CCDC167: variants seen among roughly 807,000 people sequenced by gnomAD.
The protein encoded by CCDC167 is coiled-coil domain containing 167, also known as coiled-coil domain-containing protein 167.
A neutral mutation model predicts 12.7 loss-of-function variants in CCDC167; 15 were observed. The observed-to-expected ratio is 1.18, with a 90% CI of 0.79 to 1.81. The LOEUF (loss-of-function observed/expected upper bound fraction) is 1.81, where lower values mean the gene tolerates loss of function less well. Among genes scored for constraint, CCDC167 ranks in the 40% most tolerant of loss-of-function variants. The pLI, the probability that CCDC167 is intolerant of heterozygous loss-of-function variation, is 0.00. For missense variants in CCDC167, 121 were observed against 120.1 expected (o/e 1.01, Z -0.03); for synonymous variants, 52 against 49.0 (o/e 1.06, Z -0.26).
chr6:37,494,105 GC>G (rs1762066674), intron 1 of CCDC167, among the ~76,000 whole-genome samples: 1 of 107,928 alleles, frequency 9.3e-6, no homozygotes, highest in Non-Finnish European at 1.7e-5. Context: ...CCCTCTTGTT[GC>G]CCAGGCTAGA....
chr6:37,494,645 G>A (rs1306292226), intron 1 of CCDC167, among the ~76,000 whole-genome samples: 1 of 152,170 alleles, frequency 6.6e-6, no homozygotes, highest in African/African-American at 2.4e-5. Flanking sequence ...AAAAGGGACA[G>A]TGTTGTTCCT....
At chr6:37,498,797 C>T (rs894384800) in intron 1 of CCDC167, among the ~76,000 whole-genome samples, 10 of 150,750 alleles carry the variant, frequency 6.6e-5, no homozygotes, top group African/African-American at 2.4e-4. Flanking sequence ...TGCACTTCAG[C>T]CTGGACAACA....
At chr6:37,486,220 C>T (rs143074963) in intron 1 of CCDC167, among the ~76,000 whole-genome samples, 1 of 152,226 alleles carries the variant, frequency 6.6e-6, no homozygotes, top group Non-Finnish European at 1.5e-5. Context: ...GCAAATAAGA[C>T]CTCCATTTCA....
At position 37,499,813 on chromosome 6, in the gene CCDC167, T is replaced by C. The variant is rs115486046; in HGVS notation, c.42+9A>G. On this transcript the variant is annotated intron_variant, in intron 1 of 3. Transcript: ENST00000373408. ...AACGAGGTGGCCCAACCCCCACTTT[T>C]CCCCTCACCTCTAGAGCGACGCCCA... 668 of 1,613,846 alleles carry C rather than the reference T, an allele frequency of 4.1e-4. 4 individuals carry two copies. The African/African-American group carries it at 7.9e-3, about 19-fold the overall frequency.
At position 37,483,134 on chromosome 6, in the gene CCDC167, C is replaced by A; in HGVS notation, c.*52G>T. On this transcript the variant is annotated 3_prime_UTR_variant, in exon 4 of 4. Transcript: ENST00000373408. ...TGAGGCTTGAAGTGCCTGCTTGATC[C>A]TGATCAAGGGGCCAAGTGGAAGCCT... 2 of 1,416,716 alleles carry A rather than the reference C, an allele frequency of 1.4e-6. No homozygotes were observed. The highest frequency in any genetic ancestry group is 1.1e-5 in the South Asian group (1 of 87,000). The allele number at this position is 1,416,716 out of a possible 1,614,324, so 87.8% of individuals were successfully genotyped here. A position where few individuals can be genotyped will look rare whatever the true frequency, so the allele number is the denominator to read the frequency against.
intron 1 of CCDC167, among the ~76,000 whole-genome samples, chr6:37,496,340 C>A (rs1007263911): frequency 6.6e-6 from 1 of 151,946 alleles, no homozygotes; most frequent in African/African-American, 2.4e-5. Flanking sequence ...GGCTAAGGCA[C>A]GAGAATTGCT....
chr6:37,499,771 G>A, intron 1 of CCDC167, 51 bp downstream of exon 1: 2 of 1,584,184 alleles, frequency 1.3e-6, no homozygotes, highest in East Asian at 2.2e-5. Flanking sequence ...TTATCCCGCG[G>A]CCAGGAGAAG....
At chr6:37,488,484 A>C (rs1761974378) in intron 1 of CCDC167, among the ~76,000 whole-genome samples, 1 of 152,254 alleles carries the variant, frequency 6.6e-6, no homozygotes, top group South Asian at 2.1e-4. Context: ...ACGGAAGACA[A>C]GACAGCCAGG....
At chr6:37,489,547 C>T (rs752340688) in intron 1 of CCDC167, among the ~76,000 whole-genome samples, 7 of 152,160 alleles carry the variant, frequency 4.6e-5, no homozygotes, top group South Asian at 2.1e-4. Context: ...AGAATCCTAG[C>T]GTGAGAGGCC....
intron 1 of CCDC167, among the ~76,000 whole-genome samples, chr6:37,499,497 A>G (rs1005567687): frequency 2.0e-5 from 3 of 151,726 alleles, no homozygotes; most frequent in Non-Finnish European, 4.4e-5. Context: ...CTCTGTACCC[A>G]TCCCTTTTGT....
intron 1 of CCDC167, among the ~76,000 whole-genome samples, chr6:37,495,982 C>T (rs570838731): frequency 5.3e-5 from 8 of 152,128 alleles, no homozygotes; most frequent in Admixed American, 1.3e-4. Flanking sequence ...CCAAGGCACA[C>T]GGTTACAGAT....
Position 37,499,811 on chromosome 6 carries a change from T to G in CCDC167, c.42+11A>C. 6.2e-7 allele frequency: 1 copy of G among 1,613,832 alleles called. No homozygotes were observed. Among genetic ancestry groups the G allele is most frequent in the Non-Finnish European group, 8.5e-7 (1 of 1,179,874 alleles). On this transcript the variant is annotated intron_variant, in intron 1 of 3. Coordinates refer to ENST00000373408, the MANE Select transcript of CCDC167 (RefSeq NM_138493.3). ...CTAACGAGGTGGCCCAACCCCCACT[T>G]TTCCCCTCACCTCTAGAGCGACGCC...
Position 37,483,031 on chromosome 6 carries a change from G to GAGGCAAGGCCTGGGCCGCCAGGA in CCDC167, c.*132_*154dup. ...ACCCGGAACCCCCCAGCAGGCCAGG[G>GAGGCAAGGCCTGGGCCGCCAGGA]AGGCAAGGCCTGGGCCGCCAGGAAG... On this transcript the variant is annotated 3_prime_UTR_variant, in exon 4 of 4. Coordinates refer to ENST00000373408, the MANE Select transcript of CCDC167 (RefSeq NM_138493.3). 1 of 713,082 alleles carries GAGGCAAGGCCTGGGCCGCCAGGA rather than the reference G, an allele frequency of 1.4e-6. No individual in the cohort carries two copies. The highest frequency in any genetic ancestry group is 2.6e-6 in the Non-Finnish European group (1 of 386,392). 44.2% of individuals were successfully genotyped at this position (713,082 alleles called of 1,614,324 possible).
chr6:37,497,354 T>C (rs1251170679), intron 1 of CCDC167, among the ~76,000 whole-genome samples: 1 of 152,224 alleles, frequency 6.6e-6, no homozygotes, highest in Non-Finnish European at 1.5e-5. Context: ...AAAGTGACCT[T>C]ATTCAATATA....
At chr6:37,499,148 A>G (rs1321547698) in intron 1 of CCDC167, among the ~76,000 whole-genome samples, 8 of 152,188 alleles carry the variant, frequency 5.3e-5, no homozygotes. Flanking sequence ...CAATTTCCTC[A>G]TCTGTACAAA....
chr6:37,492,862 C>T (rs761405365), intron 1 of CCDC167, among the ~76,000 whole-genome samples: 10 of 152,196 alleles, frequency 6.6e-5, no homozygotes, highest in Admixed American at 2.0e-4. Context: ...GCAAGTCACA[C>T]GGGGTTCTTA....
chr6:37,484,995 A>G, intron 2 of CCDC167, 105 bp downstream of exon 2: 1 of 1,439,618 alleles, frequency 6.9e-7, no homozygotes, highest in Non-Finnish European at 9.7e-7. Context: ...CTAAGATGTC[A>G]GGGACCCAAA....
intron 1 of CCDC167, 70 bp downstream of exon 1, chr6:37,499,752 G>A: frequency 6.6e-7 from 1 of 1,526,448 alleles, no homozygotes; most frequent in Non-Finnish European, 9.1e-7. Flanking sequence ...CTATAGCCCA[G>A]CCTATCCCTT....
chr6:37,494,345 G>A (rs1218757764), intron 1 of CCDC167, among the ~76,000 whole-genome samples: 1 of 152,202 alleles, frequency 6.6e-6, no homozygotes, highest in Non-Finnish European at 1.5e-5. Context: ...TTACAGGCGT[G>A]AGCCACCGCA....
Sources: allele counts gnomAD v4.1 joint callset (sites outside exome capture counted in the v4.1 genomes callset), GRCh38; gene constraint gnomAD v4.1.1; transcripts MANE v1.5; gene names NCBI Gene and HGNC (gene_info 2026-07-23, HGNC 2026-07-21).